TUBGCP2: variants seen among roughly 807,000 people sequenced by gnomAD.
TUBGCP2 encodes tubulin gamma complex component 2, also known as gamma-tubulin complex component 2.
TUBGCP2 carries 55 observed loss-of-function variants against 92.2 expected under a neutral mutation model. The ratio of observed to expected loss-of-function variants is 0.60; its 90% CI spans 0.48 to 0.75. The LOEUF is 0.75. Among genes scored for constraint, TUBGCP2 ranks in the 30% least tolerant of loss-of-function variants. The pLI is 0.00. For synonymous variants in TUBGCP2, 533 were observed against 505.2 expected, an observed-to-expected ratio of 1.06 and a Z score of -0.74; for missense variants, 1,093 against 1,188.9, an observed-to-expected ratio of 0.92 and a Z score of 1.19.
At chr10:133,289,319 G>A (rs1323080141) in intron 9 of TUBGCP2, among the ~76,000 whole-genome samples, 1 of 152,226 alleles carries the variant, frequency 6.6e-6, no homozygotes, top group Admixed American at 6.5e-5. Flanking sequence ...CAAGGGCACA[G>A]AAATAATTTC....
rs77720165 is a variant in TUBGCP2 at position 133,281,648 on chromosome 10, G to T, written c.2410-212C>A. The T allele has an allele frequency of 4.9e-6, 3 of 615,912 alleles. No homozygotes were observed. The African/African-American group carries it at 5.6e-5, about 11-fold the overall frequency. 38.2% of individuals were successfully genotyped at this position (615,912 alleles called of 1,614,324 possible). On this transcript the variant is annotated intron_variant, in intron 16 of 17. Coordinates refer to ENST00000252936, the MANE Select transcript of TUBGCP2 (RefSeq NM_006659.4). ...CACTCAGAGAAACACTCCAGGCCTC[G>T]TGGGATGAGGTGGTCACTCTCCTTT...
At chr10:133,281,576 G>C in intron 16 of TUBGCP2, 140 bp from the exon 17 acceptor site, 1 of 1,139,296 alleles carries the variant, frequency 8.8e-7, no homozygotes, top group Non-Finnish European at 1.2e-6. Context: ...ATGTTTTCAG[G>C]AGATTCAAGG....
intron 15 of TUBGCP2, 98 bp downstream of exon 15, chr10:133,282,980 G>A: frequency 6.6e-7 from 1 of 1,506,756 alleles, no homozygotes; most frequent in South Asian, 1.2e-5. Context: ...ACGAACACAA[G>A]GGCAGGAAAA....
chr10:133,311,867 C>T (rs1847996986), upstream of TUBGCP2: 2 of 1,613,298 alleles, frequency 1.2e-6, no homozygotes, highest in Non-Finnish European at 1.7e-6. Flanking sequence ...CTTTCTGAAA[C>T]CCGTTCTCAA....
Position 133,297,988 on chromosome 10 carries a change from C to G in TUBGCP2, c.580G>C (p.Gly194Arg). 3.1e-6 allele frequency: 5 copies of G among 1,613,896 alleles called. 1 individual carries two copies. In the South Asian group the frequency reaches 4.4e-5, roughly 14 times the overall value. Residue 194 changes from glycine to arginine, a missense_variant, in exon 5 of 18, where the codon GGT becomes CGT. Physicochemically the swap from Gly to Arg is moderately radical, Grantham distance 125 (BLOSUM62 -2). Transcript: ENST00000252936. ...GCGGTGTCTGTGCTGATGCCAGCAC[C>G]AATCAGGAAATCCCCGATCAGGGCA... The part of the protein sequence containing the change: ...RPALIGDFLI[G>R]AGISTDTALP...
intron 8 of TUBGCP2, 123 bp from the exon 9 acceptor site, chr10:133,290,092 C>T: frequency 3.0e-6 from 4 of 1,346,432 alleles, no homozygotes; most frequent in Non-Finnish European, 3.1e-6. Flanking sequence ...AAGTAACGTT[C>T]CACAAGGGCC....
intron 17 of TUBGCP2, among the ~76,000 whole-genome samples, chr10:133,280,160 C>T (rs1016421621): frequency 2.0e-5 from 3 of 152,200 alleles, no homozygotes; most frequent in Non-Finnish European, 2.9e-5. Flanking sequence ...GGGTGAGGCA[C>T]GCTCCTAACT....
intron 8 of TUBGCP2, chr10:133,290,769 A>G (rs1248104749): frequency 6.6e-6 from 1 of 152,222 alleles, no homozygotes; most frequent in African/African-American, 2.4e-5. Flanking sequence ...CAGAAACCAG[A>G]CATCTCCACG....
Position 133,285,132 on chromosome 10 carries a change from C to G in TUBGCP2, c.1977G>C (p.Trp659Cys), listed in dbSNP as rs1453976708. ...GCTGCTTGGCGGTTTTGTTGCTGAT[C>G]CAGACGCTGCAGAGCTGCCGCTCCA... The part of the protein sequence containing the change: ...KHVERQLCSV[W>C]ISNKTAKQHS... The change falls in exon 13 of 18, where the codon TGG becomes TGC. Residue 659 changes from tryptophan to cysteine, a missense_variant. Transcript: ENST00000252936. This position sits in a 1 kb window ranked among gnomAD's most constrained non-coding sequence, Gnocchi z 6.8. The G allele has an allele frequency of 6.2e-7, 1 of 1,612,922 alleles. No individual in the cohort carries two copies.
At position 133,297,263 on chromosome 10, in the gene TUBGCP2, G is replaced by A. The variant is rs570814617; in HGVS notation, c.616+689C>T. The A allele has an allele frequency of 3.4e-4, 111 of 328,366 alleles. No homozygotes were observed. The Middle Eastern group carries it at 4.5e-3, about 13-fold the overall frequency. The allele number at this position is 328,366 out of a possible 1,614,324, so 20.3% of individuals were successfully genotyped here. ...CTAAAAATATAAAAATTAGCCAGGCGTGGTGGCGCCTGCAGTCCCAGCTAC... is the reference window on the plus strand; with the variant it reads ...CTAAAAATATAAAAATTAGCCAGGCATGGTGGCGCCTGCAGTCCCAGCTAC... On this transcript the variant is annotated intron_variant, in intron 5 of 17. Transcript: ENST00000252936.
intron 6 of TUBGCP2, 130 bp downstream of exon 6, chr10:133,293,431 TG>T: frequency 8.1e-7 from 1 of 1,237,072 alleles, no homozygotes; most frequent in Non-Finnish European, 1.1e-6. Flanking sequence ...AAAACTGAGT[TG>T]GGCACGGAGT....
At chr10:133,312,076 C>G (rs1848003413), upstream of TUBGCP2, 1 of 1,458,962 alleles carries the variant, frequency 6.9e-7, no homozygotes. Context: ...CCAAGCACCA[C>G]TCACTTTTCC....
chr10:133,288,012 C>T, intron 11 of TUBGCP2, 117 bp downstream of exon 11: 5 of 1,343,972 alleles, frequency 3.7e-6, no homozygotes, highest in South Asian at 1.6e-5. Context: ...GGAAACAGAC[C>T]CTGCGGTCGC....
chr10:133,305,985 G>A (rs775676023), intron 1 of TUBGCP2, among the ~76,000 whole-genome samples: 15 of 152,242 alleles, frequency 9.9e-5, no homozygotes, highest in Non-Finnish European at 1.5e-4. Context: ...TAGGTCCTGC[G>A]TAGAGCTGTG....
upstream of TUBGCP2, among the ~76,000 whole-genome samples, chr10:133,310,838 G>A (rs1476974156): frequency 2.0e-5 from 3 of 151,214 alleles, no homozygotes; most frequent in Non-Finnish European, 4.4e-5. Context: ...GTCTTGCTCT[G>A]ACACCCAGGC....
intron 13 of TUBGCP2, among the ~76,000 whole-genome samples, chr10:133,284,589 G>T (rs1202262668): frequency 6.6e-6 from 1 of 152,022 alleles, no homozygotes; most frequent in Non-Finnish European, 1.5e-5. Flanking sequence ...TCGAACTTGT[G>T]GGCTCAAACA....
chr10:133,284,331 T>C (rs1420975893), intron 13 of TUBGCP2, among the ~76,000 whole-genome samples: 1 of 152,176 alleles, frequency 6.6e-6, no homozygotes, highest in African/African-American at 2.4e-5. Context: ...TGCATATTTG[T>C]GCTTCATCAT....
chr10:133,300,236 C>T (rs907199742), intron 2 of TUBGCP2, 123 bp from the exon 3 acceptor site: 25 of 1,179,384 alleles, frequency 2.1e-5, no homozygotes, highest in South Asian at 3.1e-5. Context: ...AAATAATTAT[C>T]CCTCTGAAAT....
intron 1 of TUBGCP2, among the ~76,000 whole-genome samples, chr10:133,304,691 A>C: frequency 6.6e-6 from 1 of 152,226 alleles, no homozygotes. Flanking sequence ...CTAGATCTAG[A>C]TCATAGATAT....
Sources: allele counts gnomAD v4.1 joint callset (sites outside exome capture counted in the v4.1 genomes callset), GRCh38; gene constraint gnomAD v4.1.1; non-coding constraint Gnocchi (gnomAD v3.1); transcripts MANE v1.5; gene names NCBI Gene and HGNC (gene_info 2026-07-23, HGNC 2026-07-21).